The following SLC22A11 variants were observed in gnomAD, a reference collection of about 807,000 sequenced individuals.
SLC22A11 encodes the protein organic anion transporter 4.
In SLC22A11, 42 loss-of-function variants were observed where a neutral mutation model predicts 49.4. The observed-to-expected ratio is 0.85, with a 90% CI of 0.66 to 1.10. The LOEUF (loss-of-function observed/expected upper bound fraction) is 1.10, where lower values mean the gene tolerates loss of function less well. Among genes scored for constraint, SLC22A11 ranks in the 50% least tolerant of loss-of-function variants. The probability of loss-of-function intolerance (pLI) is 0.00; values close to 1 mark genes in which losing one functional copy is unlikely to be tolerated. For missense variants in SLC22A11, 685 were observed against 731.6 expected, an observed-to-expected ratio of 0.94 and a Z score of 0.74; for synonymous variants, 304 against 315.8, an observed-to-expected ratio of 0.96 and a Z score of 0.40.
chr11:64,570,208 G>C (rs2038685492), intron 9 of SLC22A11, among the ~76,000 whole-genome samples: 1 of 152,218 alleles, frequency 6.6e-6, no homozygotes, highest in African/African-American at 2.4e-5. Context: ...AACTGACAAA[G>C]GGAGATACAG....
rs1272844135 is a variant in SLC22A11 at position 64,556,184 on chromosome 11, CA to C, written c.188del (p.Asn63ThrfsTer2). 1.2e-6 allele frequency: 2 copies of C among 1,614,086 alleles called. No homozygotes were observed. Among genetic ancestry groups the C allele is most frequent in the Non-Finnish European group, 1.7e-6 (2 of 1,180,046 alleles). ...CTGGACAATGGCTCTGCGGTTTCCA[CA>C]AACATGACCCCCAAGGCCCTTCTGA... ...HMLDNGSAVS[T>X]NMTPKALLTI... On this transcript the variant is annotated frameshift_variant, in exon 1 of 10. Transcript: ENST00000301891. LOFTEE classifies it high-confidence loss of function.
At chr11:64,568,123 G>T (rs1373869407) in intron 7 of SLC22A11, among the ~76,000 whole-genome samples, 1 of 152,260 alleles carries the variant, frequency 6.6e-6, no homozygotes, top group Non-Finnish European at 1.5e-5. Context: ...CCTGCAGGCT[G>T]CAGCGAGAGC....
intron 1 of SLC22A11, among the ~76,000 whole-genome samples, chr11:64,557,227 C>A (rs570813545): frequency 2.0e-5 from 3 of 152,314 alleles, no homozygotes; most frequent in African/African-American, 7.2e-5. Flanking sequence ...CATTTAATAA[C>A]GGAGAAAAGG....
At chr11:64,563,396 C>T (rs1361562186) in intron 4 of SLC22A11, among the ~76,000 whole-genome samples, 2 of 151,910 alleles carry the variant, frequency 1.3e-5, no homozygotes, top group Non-Finnish European at 1.5e-5. Flanking sequence ...AGGATTTGAA[C>T]CTAGGCAGGC....
chr11:64,570,293 CA>C, intron 9 of SLC22A11, among the ~76,000 whole-genome samples: 1 of 152,354 alleles, frequency 6.6e-6, no homozygotes, highest in East Asian at 1.9e-4. Context: ...TGAGTTCTTT[CA>C]AACCCTCAGA....
chr11:64,565,091 T>C lies in SLC22A11; in HGVS notation c.943-131T>C. 3.0e-6 allele frequency: 2 copies of C among 674,144 alleles called. No individual in the cohort carries two copies. The highest frequency in any genetic ancestry group is 5.0e-6 in the Non-Finnish European group (2 of 399,940). 41.8% of individuals were successfully genotyped at this position (674,144 alleles called of 1,614,324 possible). On this transcript the variant is annotated intron_variant, in intron 5 of 9. Transcript: ENST00000301891. This position sits in a 1 kb window ranked among gnomAD's most constrained non-coding sequence, Gnocchi z 4.1. ...CCATCCCCTCCCCTTCCCCTAGGGA[T>C]CCAGCTTCCAGAGGCCGAGGCCCAG...
At chr11:64,556,562 G>C (rs967042533) in intron 1 of SLC22A11, among the ~76,000 whole-genome samples, 170 bp downstream of exon 1, 1 of 152,246 alleles carries the variant, frequency 6.6e-6, no homozygotes, top group African/African-American at 2.4e-5. Context: ...TCAGTCTACA[G>C]ATGGGGCCAG....
rs1255783064 is a variant in SLC22A11 at position 64,564,273 on chromosome 11, C to T, written c.822-35C>T. ...CACCCCGCCCCGGGGGAGAGCCCAG[C>T]GTGCACTCCCAGCTACACACCTGCC... On this transcript the variant is annotated intron_variant, in intron 4 of 9. Transcript: ENST00000301891. The surrounding 1 kb of genome is among the most constrained non-coding windows in gnomAD (Gnocchi z 4.2). The T allele has an allele frequency of 9.9e-6, 16 of 1,612,494 alleles. No homozygotes were observed. The highest frequency in any genetic ancestry group is 1.4e-5 in the Non-Finnish European group (16 of 1,179,158).
rs769918300 is a variant in SLC22A11, at chr11:64,569,860, T to G, written c.1589+2T>G. 6.2e-7 allele frequency: 1 copy of G among 1,612,208 alleles called. No individual in the cohort carries two copies. Among genetic ancestry groups the G allele is most frequent in the Non-Finnish European group, 8.5e-7 (1 of 1,179,990 alleles). On this transcript the variant is annotated splice_donor_variant, in intron 9 of 9. Transcript: ENST00000301891. LOFTEE classifies it high-confidence loss of function. The stretch of plus-strand genomic sequence containing the variant: ...CACTATCCAGGACCTGGAGAGCCAG[T>G]GAGTGACCTGTGATCCCTGGGCATC...
rs878961133 is a variant in SLC22A11, at chr11:64,565,274, C to T, written c.995C>T (p.Ser332Leu). Residue 332 changes from serine (S) to leucine (L), a missense_variant, in exon 6 of 10, where the codon TCG becomes TTG. Ser to Leu is a moderately radical substitution (Grantham distance 145). Transcript: ENST00000301891. The surrounding 1 kb of genome is among the most constrained non-coding windows in gnomAD (Gnocchi z 4.1). ...EEVASAKEPR[S>L]VLDLFCVPVL... ...GTGGCCTCTGCAAAGGAGCCGCGGT[C>T]GGTGCTGGACCTGTTCTGCGTGCCC... 9 of 1,550,320 alleles carry T rather than the reference C, an allele frequency of 5.8e-6. No homozygotes were observed. The highest frequency in any genetic ancestry group is 2.7e-5 in the African/African-American group (2 of 73,058).
rs2038569425 is a variant in SLC22A11, at chr11:64,562,848, C to T, written c.821+413C>T. On this transcript the variant is annotated intron_variant, in intron 4 of 9. Coordinates refer to ENST00000301891, the MANE Select transcript of SLC22A11 (RefSeq NM_018484.4). This position sits in a 1 kb window ranked among gnomAD's most constrained non-coding sequence, Gnocchi z 4.4. The stretch of plus-strand genomic sequence containing the variant: ...CAGTGGAAGCGGCCGCTCTCCCGGT[C>T]CCCAAGGCCCCACTGCCGCTGTCCC... Among the ~76,000 whole-genome samples, 1 of 152,206 alleles carries T rather than the reference C, an allele frequency of 6.6e-6. No individual in the cohort carries two copies. Among genetic ancestry groups the T allele is most frequent in the African/African-American group, 2.4e-5 (1 of 41,444 alleles).
At position 64,571,036 on chromosome 11, in the gene SLC22A11, G is replaced by A. The variant is rs762218420; in HGVS notation, c.1647G>A (p.Ser549=). 23 of 1,614,066 alleles carry A rather than the reference G, an allele frequency of 1.4e-5. No homozygotes were observed. Among genetic ancestry groups the A allele is most frequent in the Middle Eastern group, 1.6e-4 (1 of 6,082 alleles). The change falls in exon 10 of 10, where the codon TCG becomes TCA. Residue 549 remains serine (S), a synonymous_variant. Transcript: ENST00000301891. ...RQEAVTVEST[S]L The stretch of plus-strand genomic sequence containing the variant: ...AGGCCGTCACTGTGGAAAGTACCTC[G>A]CTCTAGAAATTGTGCCTGCATGGAG...
rs1330983156 is a variant in SLC22A11, at chr11:64,562,330, G to T, written c.716G>T (p.Ser239Ile). 5 of 1,611,442 alleles carry T rather than the reference G, an allele frequency of 3.1e-6. No individual in the cohort carries two copies. Among genetic ancestry groups the T allele is most frequent in the Non-Finnish European group, 4.2e-6 (5 of 1,178,866 alleles). Residue 239 changes from serine to isoleucine, a missense_variant, in exon 4 of 10, where the codon AGC becomes ATC. Transcript: ENST00000301891. This position sits in a 1 kb window ranked among gnomAD's most constrained non-coding sequence, Gnocchi z 4.4. ...ATGACGGTGGTGGGATGTGCCTTCA[G>T]CGCAGGCCAGGCGGCGCTGGGCGGC... ...VTMTVVGCAF[S>I]AGQAALGGLA...
Position 64,555,946 on chromosome 11 carries a change from C to A in SLC22A11, c.-54C>A. ...TGGCCCTGGATCTTGTGGCTGCAAT[C>A]GGTTCCAAACAGCAGTTAGGTCAGC... On this transcript the variant is annotated 5_prime_UTR_variant, in exon 1 of 10. Transcript: ENST00000301891. The A allele has an allele frequency of 6.6e-7, 1 of 1,524,046 alleles. No individual in the cohort carries two copies. The highest frequency in any genetic ancestry group is 1.3e-5 in the South Asian group (1 of 79,632). 94.4% of individuals were successfully genotyped at this position (1,524,046 alleles called of 1,614,324 possible). A position where few individuals can be genotyped will look rare whatever the true frequency, so the allele number is the denominator to read the frequency against.
Position 64,565,797 on chromosome 11 carries a change from T to C in SLC22A11, c.1058+460T>C, listed in dbSNP as rs1591375737. The C allele has an allele frequency of 3.0e-6, 1 of 338,954 alleles. No individual in the cohort carries two copies. Among genetic ancestry groups the C allele is most frequent in the East Asian group, 7.5e-5 (1 of 13,248 alleles). 21.0% of individuals were successfully genotyped at this position (338,954 alleles called of 1,614,324 possible). On this transcript the variant is annotated intron_variant, in intron 6 of 9. Coordinates refer to ENST00000301891, the MANE Select transcript of SLC22A11 (RefSeq NM_018484.4). The surrounding 1 kb of genome is among the most constrained non-coding windows in gnomAD (Gnocchi z 4.1). ...CCACTTCACTGATGGGGAAAGAGGA[T>C]CCCAGAGGGGTAAGGAACAAGCCCA...
chr11:64,563,926 C>CA (rs1189651268), intron 4 of SLC22A11, among the ~76,000 whole-genome samples: 1 of 150,994 alleles, frequency 6.6e-6, no homozygotes, highest in Non-Finnish European at 1.5e-5. Flanking sequence ...AAAAAAAAAA[C>CA]AAAAAAACCC....
At chr11:64,557,625 CTCTTTTTT>C (rs1373537323) in intron 1 of SLC22A11, among the ~76,000 whole-genome samples, 2 of 135,498 alleles carry the variant, frequency 1.5e-5, no homozygotes, top group Non-Finnish European at 3.1e-5. Flanking sequence ...GATTTTCTTT[CTCTTTTTT>C]TTTTTTTTTT....
intron 2 of SLC22A11, among the ~76,000 whole-genome samples, chr11:64,560,051 G>C (rs2038520968): frequency 6.8e-6 from 1 of 147,248 alleles, no homozygotes; most frequent in Non-Finnish European, 1.5e-5. Flanking sequence ...GAGCTGAGCT[G>C]CTGATTCCTT....
chr11:64,559,076 G>A lies in SLC22A11; in HGVS notation c.394-59G>A, dbSNP rs560580680. 2.9e-4 allele frequency: 423 copies of A among 1,473,136 alleles called. 2 individuals are homozygous for A. The highest frequency in any genetic ancestry group is 2.4e-3 in the South Asian group (211 of 88,380). The allele number at this position is 1,473,136 out of a possible 1,614,324, so 91.3% of individuals were successfully genotyped here. ...AGTGTGGGTCAGGCGTTCCTCGGCCGTGCCCAGCCCTGTGATTTCATACCC... is the reference window on the plus strand; with the variant it reads ...AGTGTGGGTCAGGCGTTCCTCGGCCATGCCCAGCCCTGTGATTTCATACCC... On this transcript the variant is annotated intron_variant, in intron 1 of 9. Coordinates refer to ENST00000301891, the MANE Select transcript of SLC22A11 (RefSeq NM_018484.4).
Sources: gnomAD v4.1 joint callset for allele counts (sites outside exome capture counted in the v4.1 genomes callset) on GRCh38, gnomAD v4.1.1 for gene constraint, Gnocchi (gnomAD v3.1) non-coding constraint, MANE v1.5 for transcripts, NCBI Gene and HGNC (gene_info 2026-07-23, HGNC 2026-07-21) for gene names.